The following KIFC3 variants were observed in gnomAD, a reference collection of about 807,000 sequenced individuals.
The protein encoded by KIFC3 is kinesin-like protein KIFC3.
A neutral mutation model predicts 101.8 loss-of-function variants in KIFC3; 60 were observed. The ratio of observed to expected loss-of-function variants is 0.59; its 90% CI spans 0.48 to 0.73. The LOEUF is 0.73. Among genes scored for constraint, KIFC3 ranks in the 30% least tolerant of loss-of-function variants. KIFC3 has a pLI of 0.00. For synonymous variants in KIFC3, 476 were observed against 482.7 expected, an observed-to-expected ratio of 0.99 and a Z score of 0.18; for missense variants, 966 against 1,137.1, an observed-to-expected ratio of 0.85 and a Z score of 2.16.
chr16:57,853,169 A>G (rs1412173199), intron 1 of KIFC3, among the ~76,000 whole-genome samples: 1 of 152,218 alleles, frequency 6.6e-6, no homozygotes, highest in Non-Finnish European at 1.5e-5. Context: ...CTGTAATCCC[A>G]GCACTTTGGG....
At chr16:57,815,477 C>T in intron 1 of KIFC3, 1 of 1,225,938 alleles carries the variant, frequency 8.2e-7, no homozygotes, top group Non-Finnish European at 1.0e-6. Flanking sequence ...AGACTCTGCC[C>T]ATCACCCCCA....
chr16:57,795,298 T>A (rs1393722656), intron 2 of KIFC3, among the ~76,000 whole-genome samples, 157 bp from the exon 3 acceptor site: 1 of 152,210 alleles, frequency 6.6e-6, no homozygotes, highest in Non-Finnish European at 1.5e-5. Flanking sequence ...AAAAAACGCC[T>A]GCCCTGCAGA....
chr16:57,783,896 G>C (rs569647010), intron 3 of KIFC3, among the ~76,000 whole-genome samples: 1 of 152,294 alleles, frequency 6.6e-6, no homozygotes, highest in East Asian at 1.9e-4. Flanking sequence ...TGTCCTTCAG[G>C]GTGGGCCCTG....
chr16:57,764,112 G>A, intron 12 of KIFC3, 31 bp downstream of exon 12: 2 of 1,505,818 alleles, frequency 1.3e-6, no homozygotes, highest in Non-Finnish European at 1.8e-6. Context: ...ATGCTTCACT[G>A]TGAACCCCCA....
At chr16:57,856,640 C>T (rs1307988204) in intron 1 of KIFC3, among the ~76,000 whole-genome samples, 2 of 152,134 alleles carry the variant, frequency 1.3e-5, no homozygotes, top group Non-Finnish European at 2.9e-5. Context: ...TCAATTAAAA[C>T]TGCTAGCTAG....
intron 3 of KIFC3, among the ~76,000 whole-genome samples, chr16:57,794,636 C>T (rs984993229): frequency 1.3e-5 from 2 of 152,084 alleles, no homozygotes; most frequent in Admixed American, 1.3e-4. Flanking sequence ...GGAAATATTC[C>T]CAAGGAAATA....
upstream of KIFC3, among the ~76,000 whole-genome samples, chr16:57,805,778 C>T (rs1176159976): frequency 5.3e-5 from 8 of 151,062 alleles, no homozygotes; most frequent in Admixed American, 5.3e-4. Context: ...TGGGTTCAAG[C>T]AATTCTCCTG....
intron 1 of KIFC3, among the ~76,000 whole-genome samples, chr16:57,841,666 A>G (rs2055812931): frequency 6.6e-6 from 1 of 151,764 alleles, no homozygotes; most frequent in South Asian, 2.1e-4. Context: ...GACTGTCTCA[A>G]AAACAAAAAC....
intron 1 of KIFC3, among the ~76,000 whole-genome samples, chr16:57,799,546 A>G (rs2054587787): frequency 1.3e-5 from 2 of 152,162 alleles, no homozygotes; most frequent in Non-Finnish European, 2.9e-5. Flanking sequence ...CACCCACACT[A>G]AGAACTCTGG....
intron 1 of KIFC3, among the ~76,000 whole-genome samples, chr16:57,842,660 A>G (rs2055838033): frequency 6.6e-6 from 1 of 152,134 alleles, no homozygotes; most frequent in African/African-American, 2.4e-5. Flanking sequence ...ATCCCATAAC[A>G]ACCCATTATT....
intron 3 of KIFC3, among the ~76,000 whole-genome samples, chr16:57,777,803 T>C (rs2052293372): frequency 6.6e-6 from 1 of 151,224 alleles, no homozygotes; most frequent in Non-Finnish European, 1.5e-5. Flanking sequence ...TAAAGAGCAA[T>C]GGAATGGAAT....
intron 3 of KIFC3, among the ~76,000 whole-genome samples, chr16:57,792,806 A>G (rs1196898318): frequency 8.1e-6 from 1 of 123,388 alleles, no homozygotes; most frequent in Non-Finnish European, 1.6e-5. Flanking sequence ...ACTTGGCTGG[A>G]GGTTGCAGTG....
upstream of KIFC3, chr16:57,807,518 TC>T (rs2054964220): frequency 1.3e-5 from 2 of 152,266 alleles, no homozygotes; most frequent in Admixed American, 1.3e-4. Flanking sequence ...CATTAGGTGT[TC>T]AAGTGATATT....
Position 57,760,324 on chromosome 16 carries a change from G to GC in KIFC3, c.2324dup (p.Arg776GlnfsTer38). 6.2e-7 allele frequency: 1 copy of GC among 1,613,900 alleles called. No individual in the cohort carries two copies. The highest frequency in any genetic ancestry group is 8.5e-7 in the Non-Finnish European group (1 of 1,179,972). ...TTGACCAGGACCCAAGCTCTGCCCT[G>GC]CGTAGCCCAGGCCCCAGCTCCACAG... On this transcript the variant is annotated frameshift_variant, in exon 17 of 20. Coordinates refer to ENST00000445690, the MANE Select transcript of KIFC3 (RefSeq NM_001130100.2). LOFTEE classifies it high-confidence loss of function.
rs1430604568 is a variant in KIFC3, at chr16:57,760,906, C to T, written c.2052G>A (p.Ser684=). ...CCCGCAGGCGGCTGCCCTCGGCCCC[C>T]GACTTGCCCACGCGCTCCGAGCCAG... is the stretch of plus-strand genomic sequence containing the variant. The part of the protein sequence containing the change: ...DLAGSERVGK[S]GAEGSRLREA... Residue 684 remains serine, a synonymous_variant, in exon 16 of 20, where the codon TCG becomes TCA. Transcript: ENST00000445690. 9 of 1,609,288 alleles carry T rather than the reference C, an allele frequency of 5.6e-6. No homozygotes were observed. Among genetic ancestry groups the T allele is most frequent in the South Asian group, 3.3e-5 (3 of 90,948 alleles).
intron 1 of KIFC3, among the ~76,000 whole-genome samples, chr16:57,832,905 T>C (rs1169895165): frequency 6.6e-6 from 1 of 152,084 alleles, no homozygotes; most frequent in Non-Finnish European, 1.5e-5. Flanking sequence ...CTTCCTTTCT[T>C]TTATTAAAAA....
At position 57,764,250 on chromosome 16, in the gene KIFC3, GGGAGGGT is replaced by G; in HGVS notation, c.1513-10_1513-4del. The stretch of plus-strand genomic sequence containing the variant: ...AGGGCCTGCACCTCCTGGAACACCT[GGGAGGGT>G]GGTGGGAGGGAGGCTGGTGGGGGGG... On this transcript the variant is annotated splice_polypyrimidine_tract_variant and splice_region_variant and intron_variant, in intron 11 of 19. Transcript: ENST00000445690. 6.3e-7 allele frequency: 1 copy of G among 1,594,298 alleles called. No homozygotes were observed. Among genetic ancestry groups the G allele is most frequent in the Non-Finnish European group, 8.6e-7 (1 of 1,166,166 alleles).
chr16:57,788,548 C>G, intron 3 of KIFC3: 1 of 1,277,684 alleles, frequency 7.8e-7, no homozygotes, highest in Non-Finnish European at 1.0e-6. Context: ...CTGGGGAGTG[C>G]CGGTTTGGCG....
At chr16:57,802,855 C>T (rs1291227452), upstream of KIFC3, 3 of 1,066,698 alleles carry the variant, frequency 2.8e-6, no homozygotes, top group Non-Finnish European at 4.2e-6. This position sits in a 1 kb window ranked among gnomAD's most constrained non-coding sequence, Gnocchi z 5.0. Flanking sequence ...AGCCTCAAAC[C>T]CGAGTGCAAA....
Sources: allele counts gnomAD v4.1 joint callset (sites outside exome capture counted in the v4.1 genomes callset), GRCh38; gene constraint gnomAD v4.1.1; non-coding constraint Gnocchi (gnomAD v3.1); transcripts MANE v1.5; gene names NCBI Gene and HGNC (gene_info 2026-07-23, HGNC 2026-07-21).